The following CBFA2T3 variants were observed in gnomAD, a reference collection of about 807,000 sequenced individuals.
The protein encoded by CBFA2T3 is transcriptional corepressor CBFA2T3.
A neutral mutation model predicts 58.6 loss-of-function variants in CBFA2T3; 31 were observed. The ratio of observed to expected loss-of-function variants is 0.53; its 90% confidence interval spans 0.40 to 0.71. The LOEUF (loss-of-function observed/expected upper bound fraction) is 0.71. Ranked by LOEUF, CBFA2T3 falls within the 30% of genes least tolerant of loss-of-function variation. The pLI, the probability that CBFA2T3 is intolerant of heterozygous loss-of-function variation, is 0.00. For missense variants in CBFA2T3, 1,076 were observed against 963.1 expected, an observed-to-expected ratio of 1.12 and a Z score of -1.55; for synonymous variants, 531 against 421.9, an observed-to-expected ratio of 1.26 and a Z score of -3.17.
At chr16:88,949,880 G>A (rs1597781177) in intron 1 of CBFA2T3, among the ~76,000 whole-genome samples, 1 of 149,954 alleles carries the variant, frequency 6.7e-6, no homozygotes, top group Non-Finnish European at 1.5e-5. Flanking sequence ...CGTGGTGGTG[G>A]GTGCCTGTAA....
intron 1 of CBFA2T3, among the ~76,000 whole-genome samples, chr16:88,903,694 G>A (rs867481909): frequency 0.045 from 6,107 of 134,966 alleles, 319 homozygotes; most frequent in African/African-American, 0.094. Flanking sequence ...GCATTCCTGG[G>A]GGGGGCGTTC....
intron 2 of CBFA2T3, among the ~76,000 whole-genome samples, chr16:88,901,176 C>T (rs1452393951): frequency 1.3e-5 from 2 of 152,394 alleles, no homozygotes; most frequent in Middle Eastern, 3.4e-3. Context: ...GCCTGAGGCA[C>T]AGCGGCCGGC....
chr16:88,888,865 C>T (rs1193006669), intron 5 of CBFA2T3, among the ~76,000 whole-genome samples: 1 of 151,840 alleles, frequency 6.6e-6, no homozygotes, highest in Non-Finnish European at 1.5e-5. Context: ...GCCGTGGGAT[C>T]CCCTGTGTAC....
Position 88,976,939 on chromosome 16 carries a change from T to C in CBFA2T3, c.-132A>G. The C allele has an allele frequency of 8.5e-7, 1 of 1,173,482 alleles. No homozygotes were observed. 72.7% of individuals were successfully genotyped at this position (1,173,482 alleles called of 1,614,324 possible). A position where few individuals can be genotyped will look rare whatever the true frequency, so the allele number is the denominator to read the frequency against. ...AGCTGGGGCGTCCTGGAGTTGGGCC[T>C]CTGTCCCTGGAAAGCCGAGGCCCTC... On this transcript the variant is annotated 5_prime_UTR_variant, in exon 1 of 12. Coordinates refer to ENST00000268679, the MANE Select transcript of CBFA2T3 (RefSeq NM_005187.6).
intron 1 of CBFA2T3, among the ~76,000 whole-genome samples, chr16:88,921,196 C>G (rs968126145): frequency 2.6e-5 from 4 of 152,266 alleles, no homozygotes; most frequent in African/African-American, 9.6e-5. Context: ...TTTTACAAGC[C>G]TGCCTCTGCC....
At position 88,925,424 on chromosome 16, in the gene CBFA2T3, G is replaced by C. The variant is rs1207560864; in HGVS notation, c.152-23768C>G. Among the ~76,000 whole-genome samples, 5 of 152,306 alleles carry C rather than the reference G, an allele frequency of 3.3e-5. No individual in the cohort carries two copies. In the East Asian group the frequency reaches 7.7e-4, roughly 24 times the overall value. On this transcript the variant is annotated intron_variant, in intron 1 of 11. Coordinates refer to ENST00000268679, the MANE Select transcript of CBFA2T3 (RefSeq NM_005187.6). ...GGGGGCCAGGGGGTGGTGCTGCTGA[G>C]TCAAAACAGCCCCCAGGGAATATTC...
chr16:88,900,322 C>T (rs1970048409), intron 2 of CBFA2T3, among the ~76,000 whole-genome samples: 1 of 152,270 alleles, frequency 6.6e-6, no homozygotes, highest in African/African-American at 2.4e-5. Flanking sequence ...AGCCAACATC[C>T]TACAAACAGG....
In CBFA2T3 at chr16:88,882,547, G is replaced by C. The variant is rs991096430; in HGVS notation, c.1203+129C>G. On this transcript the variant is annotated intron_variant, in intron 8 of 11. Coordinates refer to ENST00000268679, the MANE Select transcript of CBFA2T3 (RefSeq NM_005187.6). ...TTGTGTGGGCATGGCTGTGTGCATGGGTGTGGCTGTGTGTGGGCATGGCTG... is the reference window on the plus strand; with the variant it reads ...TTGTGTGGGCATGGCTGTGTGCATGCGTGTGGCTGTGTGTGGGCATGGCTG... 5 of 669,156 alleles carry C rather than the reference G, an allele frequency of 7.5e-6. No homozygotes were observed. The Admixed American group carries it at 8.5e-5, about 11-fold the overall frequency. 41.5% of individuals were successfully genotyped at this position (669,156 alleles called of 1,614,324 possible).
intron 1 of CBFA2T3, among the ~76,000 whole-genome samples, chr16:88,927,145 G>T (rs1971108680): frequency 6.6e-6 from 1 of 152,230 alleles, no homozygotes; most frequent in South Asian, 2.1e-4. Flanking sequence ...AGCCCCGGGC[G>T]TACAGCAGGC....
chr16:88,968,686 C>T (rs545311046), intron 1 of CBFA2T3, among the ~76,000 whole-genome samples: 22 of 152,306 alleles, frequency 1.4e-4, no homozygotes, highest in Admixed American at 5.2e-4. Flanking sequence ...CTGGGGGTGT[C>T]AGGACAACAC....
At chr16:88,952,805 TC>T (rs1374306297) in intron 1 of CBFA2T3, among the ~76,000 whole-genome samples, 1 of 151,968 alleles carries the variant, frequency 6.6e-6, no homozygotes, top group Non-Finnish European at 1.5e-5. Context: ...CTCTGTGTTC[TC>T]CCTCAACAAA....
chr16:88,880,691 G>A, intron 10 of CBFA2T3, 29 bp downstream of exon 10: 1 of 1,539,532 alleles, frequency 6.5e-7, no homozygotes, highest in Non-Finnish European at 8.8e-7. Context: ...CCACAGCTCT[G>A]CTGGCCAGGC....
At chr16:88,975,422 G>A (rs564250359) in intron 1 of CBFA2T3, among the ~76,000 whole-genome samples, 6 of 152,190 alleles carry the variant, frequency 3.9e-5, no homozygotes, top group Admixed American at 2.0e-4. Context: ...CTCTCTCCGC[G>A]CCGGTGAGAA....
At chr16:88,961,322 C>A (rs1433529563) in intron 1 of CBFA2T3, among the ~76,000 whole-genome samples, 3 of 152,162 alleles carry the variant, frequency 2.0e-5, no homozygotes, top group Non-Finnish European at 4.4e-5. Context: ...CGACACTCAC[C>A]CCTGGGCATT....
chr16:88,975,643 C>T (rs111308693), intron 1 of CBFA2T3, among the ~76,000 whole-genome samples: 13 of 152,404 alleles, frequency 8.5e-5, no homozygotes, highest in African/African-American at 3.1e-4. Context: ...AACAGTAGCA[C>T]TGGCTGTGGT....
intron 1 of CBFA2T3, among the ~76,000 whole-genome samples, chr16:88,907,613 C>G (rs1362489749): frequency 6.6e-6 from 1 of 152,158 alleles, no homozygotes; most frequent in Non-Finnish European, 1.5e-5. Context: ...AGGTGTGGAT[C>G]CAGGTGACCT....
chr16:88,967,731 G>A (rs1278657893), intron 1 of CBFA2T3, among the ~76,000 whole-genome samples: 1 of 152,126 alleles, frequency 6.6e-6, no homozygotes, highest in Non-Finnish European at 1.5e-5. Context: ...CAGCCACAGA[G>A]CACAGGGGTG....
Position 88,875,134 on chromosome 16 carries a change from C to A in CBFA2T3, c.*1842G>T, listed in dbSNP as rs1968781982. ...CACGCCACACACACAGATGCCAGGCCACGGGCCACGCCACGCACACAGATG... is the reference window on the plus strand; with the variant it reads ...CACGCCACACACACAGATGCCAGGCAACGGGCCACGCCACGCACACAGATG... On this transcript the variant is annotated 3_prime_UTR_variant, in exon 12 of 12. Coordinates refer to ENST00000268679, the MANE Select transcript of CBFA2T3 (RefSeq NM_005187.6). The A allele has an allele frequency of 4.2e-6, 1 of 235,616 alleles. No homozygotes were observed. Among genetic ancestry groups the A allele is most frequent in the Non-Finnish European group, 8.4e-6 (1 of 119,598 alleles). The allele number at this position is 235,616 out of a possible 1,614,324, so 14.6% of individuals were successfully genotyped here.
intron 3 of CBFA2T3, among the ~76,000 whole-genome samples, chr16:88,892,887 C>G (rs546848555): frequency 9.7e-4 from 148 of 152,308 alleles, no homozygotes; most frequent in Non-Finnish European, 1.9e-3. Flanking sequence ...ACTCTTGGGA[C>G]TTGCTCTGGG....
Sources: allele counts gnomAD v4.1 joint callset (sites outside exome capture counted in the v4.1 genomes callset), GRCh38; gene constraint gnomAD v4.1.1; transcripts MANE v1.5; gene names NCBI Gene and HGNC (gene_info 2026-07-23, HGNC 2026-07-21).